Variants in EIPR1 observed in about 807,000 individuals in gnomAD.
EIPR1 encodes the protein EARP complex and GARP complex interacting protein 1.
EIPR1 carries 25 observed loss-of-function variants against 48.1 expected under a neutral mutation model. The ratio of observed to expected loss-of-function variants is 0.52; its 90% CI spans 0.38 to 0.73. The LOEUF is 0.73. Ranked by LOEUF, EIPR1 falls within the 30% of genes least tolerant of loss-of-function variation. EIPR1 has a pLI of 0.00. For synonymous variants in EIPR1, 204 were observed against 201.9 expected, an observed-to-expected ratio of 1.01 and a Z score of -0.09; for missense variants, 415 against 506.2, an observed-to-expected ratio of 0.82 and a Z score of 1.73.
intron 1 of EIPR1, among the ~76,000 whole-genome samples, chr2:3,358,214 G>C (rs1670774837): frequency 6.6e-6 from 1 of 152,198 alleles, no homozygotes; most frequent in African/African-American, 2.4e-5. Context: ...AGAGAAACAA[G>C]TGAACGGTTG....
At chr2:3,305,808 GTGTC>G (rs1668925430) in intron 3 of EIPR1, among the ~76,000 whole-genome samples, 1 of 152,216 alleles carries the variant, frequency 6.6e-6, no homozygotes, top group Admixed American at 6.5e-5. Context: ...AGTCTTCTAA[GTGTC>G]TGTCATATCC....
At chr2:3,301,981 G>A (rs1453971537) in intron 3 of EIPR1, among the ~76,000 whole-genome samples, 2 of 152,192 alleles carry the variant, frequency 1.3e-5, no homozygotes, top group African/African-American at 4.8e-5. Flanking sequence ...CACCATGAGG[G>A]CTCTGAAGGC....
chr2:3,301,087 T>C (rs1668749488), intron 3 of EIPR1: 1 of 152,104 alleles, frequency 6.6e-6, no homozygotes, highest in Non-Finnish European at 1.5e-5. Context: ...TTTAGAGCAT[T>C]TCTGAAAGAA....
At chr2:3,370,977 G>A (rs1410133976) in intron 1 of EIPR1, among the ~76,000 whole-genome samples, 8 of 152,188 alleles carry the variant, frequency 5.3e-5, no homozygotes, top group South Asian at 2.1e-4. Context: ...AATGTTAAGC[G>A]CAGCCAGAGA....
chr2:3,203,946 G>T (rs1423665346), intron 5 of EIPR1, among the ~76,000 whole-genome samples: 1 of 152,232 alleles, frequency 6.6e-6, no homozygotes, highest in African/African-American at 2.4e-5. Context: ...ACAGCCTCAT[G>T]CGAGGGAGGC....
intron 1 of EIPR1, among the ~76,000 whole-genome samples, chr2:3,357,988 T>C (rs1353523488): frequency 1.3e-5 from 2 of 152,198 alleles, no homozygotes; most frequent in East Asian, 1.9e-4. Context: ...AAAATTATGT[T>C]ATTTTGAGCC....
intron 3 of EIPR1, among the ~76,000 whole-genome samples, chr2:3,293,207 G>C (rs548316934): frequency 6.6e-6 from 1 of 152,230 alleles, no homozygotes; most frequent in African/African-American, 2.4e-5. Flanking sequence ...TTCTAGCACA[G>C]ATGAGGGCCT....
intron 4 of EIPR1, among the ~76,000 whole-genome samples, chr2:3,245,988 G>A (rs1450456775): frequency 6.6e-6 from 1 of 152,188 alleles, no homozygotes; most frequent in African/African-American, 2.4e-5. Flanking sequence ...CTTTGCAGGA[G>A]GTTGAGATGG....
chr2:3,296,458 CCA>C (rs1491173088), intron 3 of EIPR1, among the ~76,000 whole-genome samples: 4 of 113,546 alleles, frequency 3.5e-5, no homozygotes, highest in East Asian at 3.1e-4. Flanking sequence ...CATCCTCTCT[CCA>C]CACACACACC....
intron 5 of EIPR1, chr2:3,208,958 C>G: frequency 2.0e-6 from 3 of 1,493,240 alleles, no homozygotes; most frequent in Non-Finnish European, 2.7e-6. Flanking sequence ...ATTCTTCCCT[C>G]TAATAGGACA....
At chr2:3,368,053 A>G (rs1480275737) in intron 1 of EIPR1, among the ~76,000 whole-genome samples, 1 of 152,186 alleles carries the variant, frequency 6.6e-6, no homozygotes, top group Non-Finnish European at 1.5e-5. Flanking sequence ...AAAAAAAGAA[A>G]AAAGAAAAGA....
At chr2:3,193,067 G>A (rs369735936) in intron 7 of EIPR1, among the ~76,000 whole-genome samples, 2 of 152,182 alleles carry the variant, frequency 1.3e-5, no homozygotes, top group East Asian at 3.9e-4. Context: ...GTGGGTCCTA[G>A]AGCCTGGGAG....
intron 3 of EIPR1, among the ~76,000 whole-genome samples, chr2:3,333,749 C>CAAA (rs769152280): frequency 1.4e-5 from 1 of 72,404 alleles, no homozygotes; most frequent in Admixed American, 1.6e-4. Flanking sequence ...ACCCTACCTC[C>CAAA]AAAAAAAAAA....
intron 3 of EIPR1, among the ~76,000 whole-genome samples, chr2:3,282,215 C>A (rs753828523): frequency 6.6e-6 from 1 of 152,190 alleles, no homozygotes; most frequent in Non-Finnish European, 1.5e-5. Context: ...TCACCAGCCC[C>A]GGGCCACCGT....
At chr2:3,375,215 C>G (rs895512143) in intron 1 of EIPR1, among the ~76,000 whole-genome samples, 3 of 118,562 alleles carry the variant, frequency 2.5e-5, no homozygotes, top group Non-Finnish European at 4.9e-5. Context: ...GAACATCACA[C>G]TCTGGGGACT....
intron 4 of EIPR1, among the ~76,000 whole-genome samples, chr2:3,255,460 G>A (rs886179518): frequency 6.6e-6 from 1 of 152,220 alleles, no homozygotes; most frequent in African/African-American, 2.4e-5. Flanking sequence ...TGGGATTACA[G>A]GTGTGAGCCA....
In EIPR1 at chr2:3,257,425, G is replaced by A; in HGVS notation, c.290C>T (p.Ala97Val). ...CAATTCCTTCGGCATCCTCCACACG[G>A]CTGCACATGTCAGGACTTTGCTGTC... ...TSDSKVLTCA[A>V]VWRMPKELES... The change falls in exon 4 of 9, where the codon GCC (alanine) becomes GTC (valine). Residue 97 changes from alanine (A) to valine (V), a missense_variant. By Grantham distance (64) the Ala-to-Val change is moderately conservative. Coordinates refer to ENST00000382125, the MANE Select transcript of EIPR1 (RefSeq NM_003310.5). The A allele has an allele frequency of 6.2e-7, 1 of 1,614,206 alleles. No individual in the cohort carries two copies. The highest frequency in any genetic ancestry group is 8.5e-7 in the Non-Finnish European group (1 of 1,180,040).
chr2:3,266,234 TGGA>T (rs1249110668), intron 3 of EIPR1, among the ~76,000 whole-genome samples: 1 of 152,162 alleles, frequency 6.6e-6, no homozygotes, highest in Non-Finnish European at 1.5e-5. Context: ...GATCCCCAGC[TGGA>T]GGAGGAGGAG....
At chr2:3,319,157 C>T (rs1033653475) in intron 3 of EIPR1, 26 of 337,342 alleles carry the variant, frequency 7.7e-5, no homozygotes, top group Admixed American at 6.5e-4. Context: ...CTCCATCCTG[C>T]GTGACAAAAA....
Sources: allele counts gnomAD v4.1 joint callset (sites outside exome capture counted in the v4.1 genomes callset), GRCh38; gene constraint gnomAD v4.1.1; transcripts MANE v1.5; gene names NCBI Gene and HGNC (gene_info 2026-07-23, HGNC 2026-07-21).